CNTNAP2: variants seen among roughly 807,000 people sequenced by gnomAD.
CNTNAP2 encodes contactin associated protein 2, also known as contactin-associated protein-like 2.
A neutral mutation model predicts 155.2 loss-of-function variants in CNTNAP2; 98 were observed. That is an observed-to-expected ratio of 0.63 (90% CI 0.54 to 0.75). CNTNAP2 has a LOEUF of 0.75. Ranked by LOEUF, CNTNAP2 falls within the 30% of genes least tolerant of loss-of-function variation. CNTNAP2 has a pLI of 0.00. For missense variants in CNTNAP2, 1,727 were observed against 1,688.1 expected (o/e 1.02, Z -0.40); for synonymous variants, 651 against 631.2 (o/e 1.03, Z -0.47).
chr7:147,214,201 T>C (rs1201068315), intron 8 of CNTNAP2, among the ~76,000 whole-genome samples: 1 of 152,138 alleles, frequency 6.6e-6, no homozygotes, highest in Admixed American at 6.6e-5. Flanking sequence ...ACACCATACG[T>C]AGGAGTTCAA....
intron 1 of CNTNAP2, among the ~76,000 whole-genome samples, chr7:146,766,048 A>G (rs913632339): frequency 2.6e-5 from 4 of 152,130 alleles, no homozygotes; most frequent in African/African-American, 9.7e-5. Flanking sequence ...TATACTAAAT[A>G]AGAGGGGAAG....
At chr7:147,522,474 A>G (rs1799244909) in intron 11 of CNTNAP2, among the ~76,000 whole-genome samples, 1 of 152,152 alleles carries the variant, frequency 6.6e-6, no homozygotes, top group Non-Finnish European at 1.5e-5. Context: ...TTTATTCACA[A>G]TATGATTTTC....
chr7:148,213,518 ACAT>A (rs1255027514), intron 18 of CNTNAP2, among the ~76,000 whole-genome samples: 2 of 152,012 alleles, frequency 1.3e-5, no homozygotes, highest in Non-Finnish European at 2.9e-5. Context: ...CTTCTCTTGC[ACAT>A]CATCCTGCCT....
chr7:147,876,717 C>T (rs987999159), intron 13 of CNTNAP2, among the ~76,000 whole-genome samples: 4 of 151,824 alleles, frequency 2.6e-5, no homozygotes, highest in Non-Finnish European at 2.9e-5. Flanking sequence ...AAGGTAGAGA[C>T]GATGTTTTCT....
chr7:147,581,061 T>A (rs761163031), intron 12 of CNTNAP2, among the ~76,000 whole-genome samples: 3 of 152,172 alleles, frequency 2.0e-5, no homozygotes, highest in Non-Finnish European at 4.4e-5. Context: ...AGGAAGTAGG[T>A]GGTACTATTA....
At chr7:147,322,083 A>G (rs1279192709) in intron 9 of CNTNAP2, among the ~76,000 whole-genome samples, 1 of 152,182 alleles carries the variant, frequency 6.6e-6, no homozygotes, top group Non-Finnish European at 1.5e-5. Context: ...CCAAATGGCA[A>G]TTTGAGTGCC....
intron 2 of CNTNAP2, among the ~76,000 whole-genome samples, chr7:146,833,367 C>A (rs990964074): frequency 2.0e-5 from 3 of 152,088 alleles, no homozygotes; most frequent in African/African-American, 7.2e-5. Flanking sequence ...TCTTTCTGGT[C>A]TCTCTTTCTC....
intron 1 of CNTNAP2, among the ~76,000 whole-genome samples, chr7:146,493,899 A>G (rs1280516726): frequency 1.3e-5 from 2 of 152,206 alleles, no homozygotes; most frequent in Non-Finnish European, 2.9e-5. Flanking sequence ...GGGAGAAAAT[A>G]ACCATACATA....
At chr7:146,507,087 C>T (rs188874781) in intron 1 of CNTNAP2, among the ~76,000 whole-genome samples, 170 of 152,272 alleles carry the variant, frequency 1.1e-3, no homozygotes, top group African/African-American at 4.0e-3. Context: ...AGGTGGATAT[C>T]TCTGCCATCC....
At chr7:146,817,518 A>G (rs1803197301) in intron 2 of CNTNAP2, among the ~76,000 whole-genome samples, 1 of 151,976 alleles carries the variant, frequency 6.6e-6, no homozygotes, top group African/African-American at 2.4e-5. Context: ...AAATAAAAAG[A>G]GGTTTTATTG....
At chr7:146,931,236 C>A (rs1796749755) in intron 3 of CNTNAP2, among the ~76,000 whole-genome samples, 1 of 152,136 alleles carries the variant, frequency 6.6e-6, no homozygotes, top group Non-Finnish European at 1.5e-5. Context: ...AACAAACTGT[C>A]TCTCAGACCA....
chr7:147,290,447 G>A (rs1303943121), intron 8 of CNTNAP2, among the ~76,000 whole-genome samples: 1 of 152,046 alleles, frequency 6.6e-6, no homozygotes, highest in Non-Finnish European at 1.5e-5. Flanking sequence ...TTGGGAGGCC[G>A]AGGCGGGTGG....
At chr7:147,651,651 G>T (rs1345796877) in intron 13 of CNTNAP2, among the ~76,000 whole-genome samples, 1 of 152,280 alleles carries the variant, frequency 6.6e-6, no homozygotes, top group South Asian at 2.1e-4. Flanking sequence ...GATACAGTTT[G>T]GTTGAGTGTC....
intron 4 of CNTNAP2, among the ~76,000 whole-genome samples, chr7:147,049,991 T>C (rs1223942379): frequency 3.3e-5 from 5 of 152,212 alleles, no homozygotes; most frequent in African/African-American, 1.2e-4. Flanking sequence ...GCTTCTATTG[T>C]TCCTACTTCC....
At chr7:147,170,071 G>A (rs2116473985) in intron 8 of CNTNAP2, among the ~76,000 whole-genome samples, 1 of 152,126 alleles carries the variant, frequency 6.6e-6, no homozygotes, top group South Asian at 2.1e-4. Flanking sequence ...ATCTTGGTGG[G>A]TCTCTGGTCC....
chr7:146,308,511 A>C (rs1190967965), intron 1 of CNTNAP2, among the ~76,000 whole-genome samples: 2 of 152,064 alleles, frequency 1.3e-5, no homozygotes, highest in African/African-American at 2.4e-5. Context: ...TCATGCTGCT[A>C]TGAAGACACA....
Position 148,354,924 on chromosome 7 carries a change from T to G in CNTNAP2, c.3476-28725T>G, listed in dbSNP as rs112470251. 1.2e-4 allele frequency among the ~76,000 whole-genome samples: 18 copies of G among 152,072 alleles called. 1 individual carries two copies. Among genetic ancestry groups the G allele is most frequent in the African/African-American group, 4.1e-4 (17 of 41,504 alleles). ...CAACATGGAGATCCCAGCCACACAC[T>G]GATTTGGAGGCCTGAGTGTCAATGA... On this transcript the variant is annotated intron_variant, in intron 21 of 23. Coordinates refer to ENST00000361727, the MANE Select transcript of CNTNAP2 (RefSeq NM_014141.6).
chr7:148,376,403 C>T lies in CNTNAP2; in HGVS notation c.3476-7246C>T, dbSNP rs1798979861. Among the ~76,000 whole-genome samples, 2 of 65,970 alleles carry T rather than the reference C, an allele frequency of 3.0e-5. 1 individual carries two copies. The highest frequency in any genetic ancestry group is 7.5e-5 in the African/African-American group (2 of 26,806). The allele number at this position is 65,970 out of a possible 152,430, so 43.3% of individuals were successfully genotyped here. A position where few individuals can be genotyped will look rare whatever the true frequency, so the allele number is the denominator to read the frequency against. On this transcript the variant is annotated intron_variant, in intron 21 of 23. Coordinates refer to ENST00000361727, the MANE Select transcript of CNTNAP2 (RefSeq NM_014141.6). ...GTCATGGTGGTGTGCGCCTGTAGTC[C>T]CAGGTACTTAGGAGGCTAAGGTGAA...
At chr7:146,759,681 CAAAAAAAAAAAAAAAAAAAAAAAAAA>C (rs376817827) in intron 1 of CNTNAP2, among the ~76,000 whole-genome samples, 21,932 of 55,034 alleles carry the variant, frequency 0.4, 3,105 homozygotes, top group African/African-American at 0.55. Context: ...GTGAGACTGT[CAAAAAAAAAAAAAAAAAAAAAAAAAA>C]AAAAGGTGGG....
Sources: allele counts gnomAD v4.1 joint callset (sites outside exome capture counted in the v4.1 genomes callset), GRCh38; gene constraint gnomAD v4.1.1; transcripts MANE v1.5; gene names NCBI Gene and HGNC (gene_info 2026-07-23, HGNC 2026-07-21).